The following IPO7 variants were observed in gnomAD, a reference collection of about 807,000 sequenced individuals.
The protein encoded by IPO7 is importin-7.
Under a neutral mutation model 136.4 loss-of-function variants are expected in IPO7, and 13 were observed. The ratio of observed to expected loss-of-function variants is 0.10; its 90% CI spans 0.06 to 0.15. IPO7 has a LOEUF of 0.15. Among genes scored for constraint, IPO7 ranks in the 10% least tolerant of loss-of-function variants. The pLI is 1.00. For missense variants in IPO7, 857 were observed against 1,240.6 expected (o/e 0.69, Z 4.65); for synonymous variants, 403 against 404.4 (o/e 1.00, Z 0.04).
Position 9,392,395 on chromosome 11 carries a change from C to T in IPO7, c.84+7548C>T, listed in dbSNP as rs559955677. ...TTTCTCCATGTTGGTAGGCTGGTCTCGAACTCCCGAGATCCGCCCACCTTG... is the reference window on the plus strand; with the variant it reads ...TTTCTCCATGTTGGTAGGCTGGTCTTGAACTCCCGAGATCCGCCCACCTTG... On this transcript the variant is annotated intron_variant, in intron 1 of 24. Coordinates refer to ENST00000379719, the MANE Select transcript of IPO7 (RefSeq NM_006391.3). 3.9e-5 allele frequency: 9 copies of T among 232,276 alleles called. No homozygotes were observed. In the East Asian group the frequency reaches 9.6e-4, roughly 25 times the overall value. 14.4% of individuals were successfully genotyped at this position (232,276 alleles called of 1,614,324 possible).
intron 3 of IPO7, 71 bp from the exon 4 acceptor site, chr11:9,409,846 AAACAGCTATTT>A: frequency 9.8e-6 from 10 of 1,015,974 alleles, no homozygotes; most frequent in Non-Finnish European, 1.4e-5. Context: ...GATTTTGTCT[AAACAGCTATTT>A]TCCTTTCTAT....
In IPO7 at chr11:9,447,389, A is replaced by T. The variant is rs563959922; in HGVS notation, c.*2195A>T. 4 of 152,282 alleles carry T rather than the reference A, an allele frequency of 2.6e-5. No individual in the cohort carries two copies. The highest frequency in any genetic ancestry group is 5.9e-5 in the Non-Finnish European group (4 of 68,008). The allele number at this position is 152,282 out of a possible 1,614,324, so 9.4% of individuals were successfully genotyped here. A position where few individuals can be genotyped will look rare whatever the true frequency, so the allele number is the denominator to read the frequency against. ...ACTTTAACTTGAAATTAGACCTTAT[A>T]ATTAAACTATTTAAATAGTGTTCAA... On this transcript the variant is annotated 3_prime_UTR_variant, in exon 25 of 25. Coordinates refer to ENST00000379719, the MANE Select transcript of IPO7 (RefSeq NM_006391.3).
chr11:9,423,073 C>T lies in IPO7; in HGVS notation c.974C>T (p.Thr325Ile), dbSNP rs762779692. ...QYMAPRVLQQ[T>I]LNYINQGVSH... ...ATGGCTCCTCGAGTTTTACAACAGACATTAAATTATATTAATCAAGGAGTT... is the reference window on the plus strand; with the variant it reads ...ATGGCTCCTCGAGTTTTACAACAGATATTAAATTATATTAATCAAGGAGTT... The change falls in exon 9 of 25, where the codon ACA becomes ATA. Residue 325 changes from threonine (T) to isoleucine (I), a missense_variant. This residue lies in a region of IPO7 where 127 missense variants were observed against 222.4 expected (regional missense o/e 0.57). Coordinates refer to ENST00000379719, the MANE Select transcript of IPO7 (RefSeq NM_006391.3). 2.5e-6 allele frequency: 4 copies of T among 1,592,646 alleles called. No individual in the cohort carries two copies. The highest frequency in any genetic ancestry group is 3.4e-6 in the Non-Finnish European group (4 of 1,161,916).
At chr11:9,426,427 T>C (rs1458949886) in intron 12 of IPO7, among the ~76,000 whole-genome samples, 1 of 152,212 alleles carries the variant, frequency 6.6e-6, no homozygotes, top group Non-Finnish European at 1.5e-5. Flanking sequence ...TCATTAGTTG[T>C]TTCTACTTTC....
At chr11:9,403,200 A>G (rs1272478193) in intron 1 of IPO7, 90 bp from the exon 2 acceptor site, 1 of 840,918 alleles carries the variant, frequency 1.2e-6, no homozygotes, top group Non-Finnish European at 2.0e-6. Flanking sequence ...GTGCAAGCCA[A>G]GCAATGGAAA....
At chr11:9,402,114 T>C (rs1472617848) in intron 1 of IPO7, among the ~76,000 whole-genome samples, 2 of 152,060 alleles carry the variant, frequency 1.3e-5, no homozygotes, top group Admixed American at 6.6e-5. Flanking sequence ...AGAATGCTAG[T>C]TGGAGGGCCT....
chr11:9,399,151 T>G (rs905188451), intron 1 of IPO7, among the ~76,000 whole-genome samples: 3 of 151,110 alleles, frequency 2.0e-5, no homozygotes, highest in African/African-American at 2.4e-5. Context: ...TTCATGGGAA[T>G]GGAGAAAATG....
At chr11:9,385,073 G>A (rs1854532815) in intron 1 of IPO7, among the ~76,000 whole-genome samples, 1 of 152,158 alleles carries the variant, frequency 6.6e-6, no homozygotes, top group African/African-American at 2.4e-5. Flanking sequence ...CTGGGCCTCT[G>A]GCTGCGGTCT....
chr11:9,428,421 A>G, intron 12 of IPO7, 119 bp from the exon 13 acceptor site: 1 of 481,892 alleles, frequency 2.1e-6, no homozygotes. Flanking sequence ...CTGGGGTTCA[A>G]AGAATGAGAA....
At chr11:9,430,774 G>A (rs1196106383) in intron 15 of IPO7, 101 bp from the exon 16 acceptor site, 1 of 857,304 alleles carries the variant, frequency 1.2e-6, no homozygotes, top group South Asian at 1.7e-5. Flanking sequence ...TTGATTTGTT[G>A]TGGTATCCCA....
At chr11:9,437,732 A>G (rs1241916977) in intron 20 of IPO7, 22 bp from the exon 21 acceptor site, 2 of 1,519,302 alleles carry the variant, frequency 1.3e-6, no homozygotes, top group Non-Finnish European at 1.8e-6. Context: ...GTCTTAGAAT[A>G]TCTTGCTATC....
chr11:9,443,626 G>T (rs1855488474), intron 24 of IPO7, among the ~76,000 whole-genome samples: 1 of 143,058 alleles, frequency 7.0e-6, no homozygotes, highest in Admixed American at 7.2e-5. Context: ...CACTTGGCCA[G>T]GCGTGGTGGC....
chr11:9,391,404 A>G (rs1316191514), intron 1 of IPO7, among the ~76,000 whole-genome samples: 1 of 149,614 alleles, frequency 6.7e-6, no homozygotes, highest in Non-Finnish European at 1.5e-5. Context: ...CCTCAAAAAA[A>G]GAAAAATAAA....
chr11:9,410,333 T>G (rs1438867496), intron 4 of IPO7, among the ~76,000 whole-genome samples: 1 of 152,142 alleles, frequency 6.6e-6, no homozygotes, highest in African/African-American at 2.4e-5. Context: ...ATTCAAAAAC[T>G]AAGTTGTCTC....
At chr11:9,406,978 T>C (rs2133735113) in intron 2 of IPO7, among the ~76,000 whole-genome samples, 1 of 152,380 alleles carries the variant, frequency 6.6e-6, no homozygotes, top group Middle Eastern at 3.4e-3. Context: ...TAGTTCATTC[T>C]GTCTTTGCTC....
chr11:9,431,067 A>G (rs1855287013), intron 16 of IPO7, 64 bp downstream of exon 16: 5 of 1,325,284 alleles, frequency 3.8e-6, no homozygotes, highest in Non-Finnish European at 5.4e-6. Context: ...GGGCTCTAAT[A>G]TCTCTCTGGC....
At chr11:9,437,607 G>T (rs956682250) in intron 20 of IPO7, 147 bp from the exon 21 acceptor site, 41 of 641,002 alleles carry the variant, frequency 6.4e-5, no homozygotes, top group Non-Finnish European at 1.1e-4. Context: ...TCTAAAATTA[G>T]ATTTCCCAGT....
chr11:9,386,522 C>T (rs1022485590), intron 1 of IPO7, among the ~76,000 whole-genome samples: 3 of 152,118 alleles, frequency 2.0e-5, no homozygotes, highest in Non-Finnish European at 4.4e-5. Flanking sequence ...TGACTTTGCT[C>T]TAATCGCGTA....
At chr11:9,419,936 GC>G (rs1182573423) in intron 6 of IPO7, among the ~76,000 whole-genome samples, 2 of 152,132 alleles carry the variant, frequency 1.3e-5, no homozygotes, top group African/African-American at 4.8e-5. Flanking sequence ...ATTTTAAAAA[GC>G]ATGTCTTTTA....
Sources: allele counts gnomAD v4.1 joint callset (sites outside exome capture counted in the v4.1 genomes callset), GRCh38; gene constraint gnomAD v4.1.1; regional missense constraint gnomAD v4.1.1; transcripts MANE v1.5; gene names NCBI Gene and HGNC (gene_info 2026-07-23, HGNC 2026-07-21).